FAT4: variants seen among roughly 807,000 people sequenced by gnomAD.
FAT4 encodes FAT atypical cadherin 4, also known as protocadherin Fat 4.
FAT4 carries 84 observed loss-of-function variants against 303.9 expected under a neutral mutation model. That is an observed-to-expected ratio of 0.28 (90% confidence interval 0.23 to 0.33). The LOEUF is 0.33. FAT4 is among the 10% of genes least tolerant of loss of function. The pLI is 1.00. For missense variants in FAT4, 6,005 were observed against 6,146.8 expected (o/e 0.98, Z 0.77); for synonymous variants, 2,307 against 2,298.8 (o/e 1.00, Z -0.10).
intron 9 of FAT4, among the ~76,000 whole-genome samples, chr4:125,447,856 T>G (rs1160301667): frequency 3.3e-5 from 5 of 152,124 alleles, no homozygotes; most frequent in Admixed American, 3.3e-4. Flanking sequence ...AATTGGCTTA[T>G]GTATATATCT....
At chr4:125,359,871 A>G (rs1356373261) in intron 2 of FAT4, among the ~76,000 whole-genome samples, 3 of 152,110 alleles carry the variant, frequency 2.0e-5, no homozygotes, top group African/African-American at 7.2e-5. Context: ...TTTTACTCAC[A>G]GGCTCCAGCC....
Position 125,450,178 on chromosome 4 carries a change from C to CT in FAT4, c.9174dup (p.Ile3059TyrfsTer8). 6.2e-7 allele frequency: 1 copy of CT among 1,613,756 alleles called. No homozygotes were observed. The highest frequency in any genetic ancestry group is 8.5e-7 in the Non-Finnish European group (1 of 1,179,968). ...CCCTGATTTCTGACTTGAACCAAAA[C>CT]TTTTTTATCACAGTCACTGCAAAGG... On this transcript the variant is annotated frameshift_variant, in exon 10 of 18. Coordinates refer to ENST00000394329, the MANE Select transcript of FAT4 (RefSeq NM_001291303.3). LOFTEE classifies it high-confidence loss of function.
At chr4:125,471,757 T>C (rs995071588) in intron 12 of FAT4, among the ~76,000 whole-genome samples, 3 of 151,612 alleles carry the variant, frequency 2.0e-5, no homozygotes, top group Admixed American at 2.0e-4. Flanking sequence ...CCTTTAAAAG[T>C]GTAGTTACTG....
intron 2 of FAT4, among the ~76,000 whole-genome samples, chr4:125,388,687 G>C (rs1733859454): frequency 6.6e-6 from 1 of 152,176 alleles, no homozygotes; most frequent in Non-Finnish European, 1.5e-5. Context: ...AAAAATTGAA[G>C]TGGTTACACA....
intron 2 of FAT4, among the ~76,000 whole-genome samples, chr4:125,327,137 G>A (rs983179153): frequency 1.3e-5 from 2 of 152,162 alleles, no homozygotes; most frequent in African/African-American, 4.8e-5. Context: ...CATCATTAGT[G>A]GTGGTAGCAA....
intron 2 of FAT4, among the ~76,000 whole-genome samples, chr4:125,392,137 G>T (rs2126007600): frequency 6.6e-6 from 1 of 152,130 alleles, no homozygotes; most frequent in Non-Finnish European, 1.5e-5. Context: ...TACTATTATT[G>T]AAATAAATAT....
intron 2 of FAT4, among the ~76,000 whole-genome samples, chr4:125,327,878 C>T (rs1485974634): frequency 6.6e-6 from 1 of 152,084 alleles, no homozygotes; most frequent in African/African-American, 2.4e-5. Context: ...ACTTTGTCAT[C>T]ATTAGAGTGA....
At chr4:125,343,743 A>G (rs1731888599) in intron 2 of FAT4, among the ~76,000 whole-genome samples, 1 of 152,182 alleles carries the variant, frequency 6.6e-6, no homozygotes, top group African/African-American at 2.4e-5. Context: ...AGAGGATACA[A>G]AGTAAATTAG....
chr4:125,352,508 C>A (rs1245385442), intron 2 of FAT4, among the ~76,000 whole-genome samples: 1 of 151,760 alleles, frequency 6.6e-6, no homozygotes, highest in Non-Finnish European at 1.5e-5. Context: ...AGGCCACCAA[C>A]ATATTTGGGA....
At chr4:125,333,008 G>T (rs909696021) in intron 2 of FAT4, among the ~76,000 whole-genome samples, 1 of 151,274 alleles carries the variant, frequency 6.6e-6, no homozygotes, top group African/African-American at 2.4e-5. Flanking sequence ...TTATACATTG[G>T]CTTCATTCTA....
At chr4:125,357,326 G>A (rs976275284) in intron 2 of FAT4, among the ~76,000 whole-genome samples, 2 of 151,968 alleles carry the variant, frequency 1.3e-5, no homozygotes, top group African/African-American at 4.8e-5. Flanking sequence ...ACAGTCTCTC[G>A]ATTGATAATA....
In FAT4 at chr4:125,350,651, C is replaced by T. The variant is rs549556520; in HGVS notation, c.5175+29065C>T. On this transcript the variant is annotated intron_variant, in intron 2 of 17. Coordinates refer to ENST00000394329, the MANE Select transcript of FAT4 (RefSeq NM_001291303.3). ...AGCTTTGGAGAAGCACCTTTGTCCC[C>T]AGAGCTGGCCTCCAGGAAGGCTTGG... Among the ~76,000 whole-genome samples, 3 of 151,788 alleles carry T rather than the reference C, an allele frequency of 2.0e-5. No homozygotes were observed. The East Asian group carries it at 5.8e-4, about 30-fold the overall frequency.
intron 7 of FAT4, among the ~76,000 whole-genome samples, chr4:125,433,740 TTTCCCACAG>T (rs1725355923): frequency 3.9e-5 from 6 of 152,308 alleles, no homozygotes; most frequent in African/African-American, 1.4e-4. Context: ...CTATTTTTTG[TTTCCCACAG>T]ACAGTATGGG....
chr4:125,348,060 C>T (rs1372558155), intron 2 of FAT4, among the ~76,000 whole-genome samples: 1 of 151,766 alleles, frequency 6.6e-6, no homozygotes, highest in Non-Finnish European at 1.5e-5. Flanking sequence ...TTTCACATCA[C>T]TCAGTCCCTG....
intron 2 of FAT4, among the ~76,000 whole-genome samples, chr4:125,343,823 GA>G (rs1222345411): frequency 4.6e-5 from 7 of 152,086 alleles, no homozygotes; most frequent in Non-Finnish European, 8.8e-5. Flanking sequence ...AGATTTACAT[GA>G]ATTGTTAAAT....
intron 5 of FAT4, among the ~76,000 whole-genome samples, chr4:125,412,624 G>A (rs373149055): frequency 2.0e-5 from 3 of 151,732 alleles, no homozygotes; most frequent in African/African-American, 7.2e-5. Flanking sequence ...TTTTGGGATC[G>A]TGTTCTCTTT....
intron 8 of FAT4, among the ~76,000 whole-genome samples, chr4:125,436,721 TC>T (rs1220877185): frequency 6.6e-6 from 1 of 152,134 alleles, no homozygotes; most frequent in Non-Finnish European, 1.5e-5. Flanking sequence ...ACAGGGGAAC[TC>T]CCATTTATAA....
Position 125,415,112 on chromosome 4 carries a change from C to T in FAT4, c.6149C>T (p.Thr2050Ile), listed in dbSNP as rs1295037735. The T allele has an allele frequency of 1.9e-6, 3 of 1,614,036 alleles. No homozygotes were observed. The highest frequency in any genetic ancestry group is 2.2e-5 in the South Asian group (2 of 91,086). The change falls in exon 6 of 18, where the codon ACA becomes ATA. Residue 2050 changes from threonine to isoleucine, a missense_variant. Thr to Ile is a moderately conservative substitution (Grantham distance 89, BLOSUM62 -1). Transcript: ENST00000394329. ...ILLDVNDNPP[T>I]FLSPKLTYIP... ...TTGGATGTAAATGATAACCCACCGACATTTCTTTCCCCTAAATTGACATAC... is the reference window on the plus strand; with the variant it reads ...TTGGATGTAAATGATAACCCACCGATATTTCTTTCCCCTAAATTGACATAC...
chr4:125,479,656 A>T, intron 14 of FAT4, 85 bp from the exon 15 acceptor site: 1 of 1,284,758 alleles, frequency 7.8e-7, no homozygotes, highest in African/African-American at 1.5e-5. Context: ...GAAATTAAAC[A>T]AGCTAATAAA....
Sources: allele counts gnomAD v4.1 joint callset (sites outside exome capture counted in the v4.1 genomes callset), GRCh38; gene constraint gnomAD v4.1.1; transcripts MANE v1.5; gene names NCBI Gene and HGNC (gene_info 2026-07-23, HGNC 2026-07-21).